The following SMC5 variants were observed in gnomAD, a reference collection of about 807,000 sequenced individuals.
The protein encoded by SMC5 is structural maintenance of chromosomes protein 5.
SMC5 carries 88 observed loss-of-function variants against 148.3 expected under a neutral mutation model. That is an observed-to-expected ratio of 0.59 (90% CI 0.50 to 0.71). The LOEUF (loss-of-function observed/expected upper bound fraction) is 0.71. Among genes scored for constraint, SMC5 ranks in the 30% least tolerant of loss-of-function variants. The pLI, the probability that SMC5 is intolerant of heterozygous loss-of-function variation, is 0.00. For synonymous variants in SMC5, 421 were observed against 432.8 expected (o/e 0.97, Z 0.34); for missense variants, 1,142 against 1,298.9 (o/e 0.88, Z 1.86).
At chr9:70,315,661 C>T (rs1382407696) in intron 13 of SMC5, 83 bp downstream of exon 13, 57 of 1,154,896 alleles carry the variant, frequency 4.9e-5, no homozygotes, top group Non-Finnish European at 6.1e-5. Flanking sequence ...GCAAGCAAAA[C>T]GTGTCAGAAT....
chr9:70,352,138 A>T (rs1267409655), intron 24 of SMC5, 53 bp from the exon 25 acceptor site: 2 of 1,464,138 alleles, frequency 1.4e-6, no homozygotes, highest in African/African-American at 2.8e-5. Context: ...AAGGTTGGAA[A>T]ACTATACTTC....
intron 1 of SMC5, 55 bp from the exon 2 acceptor site, chr9:70,264,249 C>A: frequency 2.6e-6 from 4 of 1,514,410 alleles, no homozygotes; most frequent in East Asian, 2.3e-5. Flanking sequence ...TAATGTAAAG[C>A]AAGGAAAAGT....
rs145723982 is a variant in SMC5 at position 70,298,082 on chromosome 9, G to A, written c.1170G>A (p.Thr390=). The part of the protein sequence containing the change: ...IEDLQNELKT[T]ENCENLQPQI... ...ATTTGCAAAATGAACTAAAGACCACGGAAAACTGCGAGAATCTTCAGCCCC... is the reference window on the plus strand; with the variant it reads ...ATTTGCAAAATGAACTAAAGACCACAGAAAACTGCGAGAATCTTCAGCCCC... Residue 390 remains threonine (T), a synonymous_variant, in exon 9 of 25, where the codon ACG becomes ACA. Coordinates refer to ENST00000361138, the MANE Select transcript of SMC5 (RefSeq NM_015110.4). 245 of 1,613,840 alleles carry A rather than the reference G, an allele frequency of 1.5e-4. No individual in the cohort carries two copies. The highest frequency in any genetic ancestry group is 2.0e-4 in the Non-Finnish European group (238 of 1,179,920).
At chr9:70,271,632 TG>T (rs2034453131) in intron 3 of SMC5, among the ~76,000 whole-genome samples, 3 of 152,276 alleles carry the variant, frequency 2.0e-5, no homozygotes, top group African/African-American at 7.2e-5. Context: ...TGGTGATAAG[TG>T]CTACATAGAA....
intron 17 of SMC5, among the ~76,000 whole-genome samples, chr9:70,333,069 A>G (rs941405862): frequency 6.6e-6 from 1 of 152,198 alleles, no homozygotes; most frequent in African/African-American, 2.4e-5. Context: ...TGGAAGTTCT[A>G]GTCAGTGCAG....
At chr9:70,268,001 CT>C in intron 3 of SMC5, 26 bp downstream of exon 3, 1 of 1,575,550 alleles carries the variant, frequency 6.3e-7, no homozygotes, top group Non-Finnish European at 8.7e-7. Context: ...GCTAAAACTC[CT>C]TTTTCCTATA....
rs2034772687 is a variant in SMC5 at position 70,282,363 on chromosome 9, T to C, written c.820-59T>C. 1.6e-5 allele frequency: 24 copies of C among 1,460,918 alleles called. No individual in the cohort carries two copies. In the South Asian group the frequency reaches 3.6e-4, roughly 22 times the overall value. 90.5% of individuals were successfully genotyped at this position (1,460,918 alleles called of 1,614,324 possible). A position where few individuals can be genotyped will look rare whatever the true frequency, so the allele number is the denominator to read the frequency against. On this transcript the variant is annotated intron_variant, in intron 6 of 24. Coordinates refer to ENST00000361138, the MANE Select transcript of SMC5 (RefSeq NM_015110.4). ...TGGTTTCTGCCTGTATCTTGATTTT[T>C]AGTATATGTGTTAGTTTAAGGTAGG...
intron 10 of SMC5, 147 bp from the exon 11 acceptor site, chr9:70,305,100 A>G (rs999092846): frequency 1.9e-6 from 1 of 514,804 alleles, no homozygotes; most frequent in Non-Finnish European, 3.5e-6. Context: ...TAGATGTTTT[A>G]AAATAACTCT....
chr9:70,331,646 A>G (rs1016231161), intron 17 of SMC5, among the ~76,000 whole-genome samples: 1 of 152,188 alleles, frequency 6.6e-6, no homozygotes, highest in Non-Finnish European at 1.5e-5. Flanking sequence ...AATGTTGGTT[A>G]TGAGTTGATA....
chr9:70,305,244 T>TAGATCA lies in SMC5; in HGVS notation c.1465-1_1469dup. 7.2e-7 allele frequency: 1 copy of TAGATCA among 1,396,006 alleles called. No individual in the cohort carries two copies. The highest frequency in any genetic ancestry group is 1.0e-6 in the Non-Finnish European group (1 of 993,498). The allele number at this position is 1,396,006 out of a possible 1,614,324, so 86.5% of individuals were successfully genotyped here. ...TTCGACCTTTTTTTGCTTGTTTGTTTAGATCAATATGAAAGATAATAAAAA... is the reference window on the plus strand; with the variant it reads ...TTCGACCTTTTTTTGCTTGTTTGTTTAGATCAAGATCAATATGAAAGATAATAAAAA... On this transcript the variant is annotated splice_region_variant and splice_polypyrimidine_tract_variant and intron_variant, in intron 10 of 24. Transcript: ENST00000361138.
intron 8 of SMC5, among the ~76,000 whole-genome samples, chr9:70,295,470 C>CAA (rs767989666): frequency 0.097 from 7,872 of 81,230 alleles, 393 homozygotes; most frequent in East Asian, 0.27. Flanking sequence ...GACCCTGTCT[C>CAA]AAAAAAAAAA....
Position 70,278,734 on chromosome 9 carries a change from A to G in SMC5, c.678+109A>G, listed in dbSNP as rs1016545297. ...TTCATTGAGTGAATTCGTATTTGTG[A>G]TTTTTTTTCACTTAGGATTGTACTG... On this transcript the variant is annotated intron_variant, in intron 5 of 24. Transcript: ENST00000361138. The G allele has an allele frequency of 9.9e-6, 11 of 1,113,878 alleles. No homozygotes were observed. The East Asian group carries it at 1.9e-4, about 19-fold the overall frequency. 69.0% of individuals were successfully genotyped at this position (1,113,878 alleles called of 1,614,324 possible). A position where few individuals can be genotyped will look rare whatever the true frequency, so the allele number is the denominator to read the frequency against.
intron 13 of SMC5, among the ~76,000 whole-genome samples, chr9:70,317,177 C>T (rs2035824925): frequency 6.6e-6 from 1 of 152,082 alleles, no homozygotes; most frequent in Non-Finnish European, 1.5e-5. Flanking sequence ...CTCAATCCTT[C>T]TGTTTGAGAC....
intron 8 of SMC5, among the ~76,000 whole-genome samples, chr9:70,297,218 G>A (rs2035225264): frequency 6.6e-6 from 1 of 152,128 alleles, no homozygotes. Flanking sequence ...AATTTTAAAT[G>A]ATGTTTTTAA....
At chr9:70,315,912 A>G (rs776204766) in intron 13 of SMC5, among the ~76,000 whole-genome samples, 1 of 152,106 alleles carries the variant, frequency 6.6e-6, no homozygotes, top group Non-Finnish European at 1.5e-5. Flanking sequence ...TTGTATTAAT[A>G]GTTTAGTCTT....
chr9:70,280,302 C>T (rs950803311), intron 5 of SMC5, among the ~76,000 whole-genome samples: 2 of 152,168 alleles, frequency 1.3e-5, no homozygotes, highest in Non-Finnish European at 2.9e-5. Flanking sequence ...TAATTCTTAG[C>T]TTTCTTTCAT....
rs2036828692 is a variant in SMC5, at chr9:70,352,520, A to C, written c.*189A>C. ...AAAATAGCAGCTGGTAGTAAAAGTT[A>C]AGTCTTCTTCAGTCTTGGTTGAACT... is the stretch of plus-strand genomic sequence containing the variant. On this transcript the variant is annotated 3_prime_UTR_variant, in exon 25 of 25. Transcript: ENST00000361138. 1 of 537,058 alleles carries C rather than the reference A, an allele frequency of 1.9e-6. No individual in the cohort carries two copies. The highest frequency in any genetic ancestry group is 3.2e-6 in the Non-Finnish European group (1 of 316,800). The allele number at this position is 537,058 out of a possible 1,614,324, so 33.3% of individuals were successfully genotyped here.
At chr9:70,330,420 A>T (rs1196671474) in intron 17 of SMC5, among the ~76,000 whole-genome samples, 1 of 152,174 alleles carries the variant, frequency 6.6e-6, no homozygotes, top group Admixed American at 6.5e-5. Flanking sequence ...TCAGGACAGG[A>T]AGAAATATGT....
rs1054718343 is a variant in SMC5 at position 70,300,217 on chromosome 9, A to G, written c.1464+17A>G. 6.4e-7 allele frequency: 1 copy of G among 1,572,348 alleles called. No homozygotes were observed. Among genetic ancestry groups the G allele is most frequent in the African/African-American group, 1.4e-5 (1 of 71,846 alleles). ...ATGCTCACGGTAAGAAACTTTGTTC[A>G]TCTTGGTAGTATTGGTTTTATTATT... On this transcript the variant is annotated intron_variant, in intron 10 of 24. Coordinates refer to ENST00000361138, the MANE Select transcript of SMC5 (RefSeq NM_015110.4).
Sources: allele counts gnomAD v4.1 joint callset (sites outside exome capture counted in the v4.1 genomes callset), GRCh38; gene constraint gnomAD v4.1.1; transcripts MANE v1.5; gene names NCBI Gene and HGNC (gene_info 2026-07-23, HGNC 2026-07-21).